Variants in ATP2C1 observed in about 807,000 individuals in gnomAD.
ATP2C1 encodes ATPase secretory pathway Ca2+ transporting 1.
Under a neutral mutation model 120.5 loss-of-function variants are expected in ATP2C1, and 31 were observed. The ratio of observed to expected loss-of-function variants is 0.26; its 90% CI spans 0.19 to 0.35. ATP2C1 has a LOEUF of 0.35. Ranked by LOEUF, ATP2C1 falls within the 10% of genes least tolerant of loss-of-function variation. The probability of loss-of-function intolerance (pLI) is 1.00; values close to 1 mark genes in which losing one functional copy is unlikely to be tolerated. For synonymous variants in ATP2C1, 351 were observed against 358.7 expected (o/e 0.98, Z 0.24); for missense variants, 731 against 1,107.5 (o/e 0.66, Z 4.83).
intron 20 of ATP2C1, among the ~76,000 whole-genome samples, chr3:130,989,851 C>T (rs930073354): frequency 2.6e-5 from 4 of 152,128 alleles, no homozygotes; most frequent in African/African-American, 9.7e-5. Context: ...TTAATTTCTG[C>T]AGTAATTAGA....
chr3:130,964,146 A>G lies in ATP2C1; in HGVS notation c.1024+51A>G, dbSNP rs1253474461. ...ATGCAATGATGCGTAAGTTTATGTC[A>G]ATAGTGAATCATCTCAGAGTTTTAC... On this transcript the variant is annotated intron_variant, in intron 13 of 27. Transcript: ENST00000510168. The G allele has an allele frequency of 1.9e-6, 3 of 1,604,034 alleles. No individual in the cohort carries two copies. The South Asian group carries it at 3.3e-5, about 18-fold the overall frequency.
intron 2 of ATP2C1, among the ~76,000 whole-genome samples, chr3:130,905,357 T>C (rs2058074804): frequency 6.6e-6 from 1 of 152,110 alleles, no homozygotes; most frequent in African/African-American, 2.4e-5. Context: ...TTTTGGTCTT[T>C]TTTCCTGTTC....
chr3:130,860,873 C>T (rs1337670649), intron 1 of ATP2C1, among the ~76,000 whole-genome samples: 1 of 152,124 alleles, frequency 6.6e-6, no homozygotes, highest in Non-Finnish European at 1.5e-5. Flanking sequence ...TACCTTAAAT[C>T]TTTTTTAGAA....
exon 27 of ATP2C1, chr3:131,016,203 C>A (rs116326480): frequency 7.4e-6 from 12 of 1,614,168 alleles, no homozygotes; most frequent in Non-Finnish European, 8.5e-6. Flanking sequence ...ACATCCCCAT[C>A]TGGAGACAGG....
upstream of ATP2C1, among the ~76,000 whole-genome samples, chr3:130,892,430 C>T (rs1446144569): frequency 6.6e-6 from 1 of 152,220 alleles, no homozygotes; most frequent in Non-Finnish European, 1.5e-5. Context: ...ACTGACCATG[C>T]ATGCCAGAGG....
intron 8 of ATP2C1, among the ~76,000 whole-genome samples, chr3:130,948,434 TATGTG>T (rs1303270365): frequency 6.6e-6 from 1 of 151,630 alleles, no homozygotes; most frequent in East Asian, 1.9e-4. Context: ...AAAATTCTGT[TATGTG>T]ATAAGTTGTT....
intron 2 of ATP2C1, among the ~76,000 whole-genome samples, chr3:130,910,659 C>G (rs852229): frequency 0.33 from 3,962 of 11,916 alleles, 483 homozygotes; most frequent in Middle Eastern, 0.58. Flanking sequence ...TAGCATGAAG[C>G]GTTGTTGAAT....
At chr3:130,872,692 C>A (rs1462566866) in intron 1 of ATP2C1, among the ~76,000 whole-genome samples, 2 of 151,984 alleles carry the variant, frequency 1.3e-5, no homozygotes, top group African/African-American at 4.8e-5. Flanking sequence ...TCAAGCGATT[C>A]TCCTGCCTTA....
rs762984755 is a variant in ATP2C1 at position 130,965,086 on chromosome 3, C to G, written c.1122+41C>G. On this transcript the variant is annotated intron_variant, in intron 14 of 27. Transcript: ENST00000510168. ...TTAAAAACAAACAAAAACAGTATCC[C>G]TTTAAGAAACTTGGTGTTTAACATT... The G allele has an allele frequency of 3.6e-6, 5 of 1,396,428 alleles. No individual in the cohort carries two copies. In the African/African-American group the frequency reaches 7.1e-5, roughly 20 times the overall value. The allele number at this position is 1,396,428 out of a possible 1,614,324, so 86.5% of individuals were successfully genotyped here. A position where few individuals can be genotyped will look rare whatever the true frequency, so the allele number is the denominator to read the frequency against.
At chr3:130,888,868 T>C (rs1456887013) in intron 1 of ATP2C1, among the ~76,000 whole-genome samples, 1 of 152,220 alleles carries the variant, frequency 6.6e-6, no homozygotes. Context: ...AGATATTTGT[T>C]AAAATGTGTT....
intron 20 of ATP2C1, among the ~76,000 whole-genome samples, chr3:130,990,866 CCTCAG>C (rs1361147640): frequency 3.3e-5 from 5 of 152,078 alleles, no homozygotes; most frequent in African/African-American, 1.2e-4. Flanking sequence ...AAATTTGGAG[CCTCAG>C]CAACTGCACA....
At chr3:130,905,816 A>G (rs1358083770) in intron 2 of ATP2C1, among the ~76,000 whole-genome samples, 2 of 152,082 alleles carry the variant, frequency 1.3e-5, no homozygotes, top group African/African-American at 2.4e-5. Context: ...GTTAAAGGAC[A>G]TGTGCTTTGG....
chr3:131,006,836 G>GT, downstream of ATP2C1, among the ~76,000 whole-genome samples: 1 of 151,658 alleles, frequency 6.6e-6, no homozygotes, highest in Admixed American at 6.6e-5. Context: ...CTAATTTTGT[G>GT]TATTTTTTTT....
At chr3:130,967,093 C>T in intron 14 of ATP2C1, 52 bp from the exon 15 acceptor site, 1 of 1,385,288 alleles carries the variant, frequency 7.2e-7, no homozygotes, top group East Asian at 2.3e-5. Context: ...GGTCTTGTCA[C>T]CACCAAGTGT....
chr3:130,865,516 C>G (rs1559868989), intron 1 of ATP2C1, among the ~76,000 whole-genome samples: 1 of 152,142 alleles, frequency 6.6e-6, no homozygotes, highest in Admixed American at 6.5e-5. Flanking sequence ...TATGGTTTGA[C>G]AGTGTCCCCA....
Position 130,930,438 on chromosome 3 carries a change from C to G in ATP2C1, c.29C>G (p.Pro10Arg). 2 of 1,612,100 alleles carry G rather than the reference C, an allele frequency of 1.2e-6. No homozygotes were observed. The highest frequency in any genetic ancestry group is 1.7e-6 in the Non-Finnish European group (2 of 1,178,462). The change falls in exon 3 of 28, where the codon CCT (proline) becomes CGT (arginine). Residue 10 changes from proline (P) to arginine (R), a missense_variant. Coordinates refer to ENST00000510168, the MANE Select transcript of ATP2C1 (RefSeq NM_001378687.1). ...TAGGTTGCACGTTTTCAAAAAATACCTAATGGTGAAAATGAGACAATGATT... is the reference window on the plus strand; with the variant it reads ...TAGGTTGCACGTTTTCAAAAAATACGTAATGGTGAAAATGAGACAATGATT... Reference protein sequence around the residue: MKVARFQKIPNGENETMIPV... With the variant: MKVARFQKIRNGENETMIPV...
intron 12 of ATP2C1, among the ~76,000 whole-genome samples, chr3:130,962,081 C>T (rs1034741953): frequency 7.2e-5 from 11 of 151,994 alleles, no homozygotes; most frequent in African/African-American, 2.7e-4. Context: ...TTTAGCTAAA[C>T]GAATGCATGA....
chr3:130,941,464 G>C, intron 7 of ATP2C1, 127 bp from the exon 8 acceptor site: 1 of 734,006 alleles, frequency 1.4e-6, no homozygotes, highest in Admixed American at 2.2e-5. Context: ...TAAGTGTTTA[G>C]AAACAGTCTT....
At chr3:130,902,297 GTTTTTTTTTTT>G (rs398052267) in intron 2 of ATP2C1, among the ~76,000 whole-genome samples, 3 of 13,252 alleles carry the variant, frequency 2.3e-4, no homozygotes, top group Non-Finnish European at 3.6e-4. Context: ...TTTTTTTTTT[GTTTTTTTTTTT>G]TTTTTTTTTT....
Sources: allele counts gnomAD v4.1 joint callset (sites outside exome capture counted in the v4.1 genomes callset), GRCh38; gene constraint gnomAD v4.1.1; transcripts MANE v1.5; gene names NCBI Gene and HGNC (gene_info 2026-07-23, HGNC 2026-07-21).